FANCL: variants seen among roughly 807,000 people sequenced by gnomAD.
FANCL encodes E3 ubiquitin-protein ligase FANCL.
Under a neutral mutation model 59.4 loss-of-function variants are expected in FANCL, and 69 were observed. The ratio of observed to expected loss-of-function variants is 1.16; its 90% CI spans 0.96 to 1.42. FANCL has a LOEUF of 1.42. FANCL is among the 40% of genes most tolerant of loss of function. FANCL has a pLI of 0.00. For missense variants in FANCL, 519 were observed against 447.2 expected, an observed-to-expected ratio of 1.16 and a Z score of -1.45; for synonymous variants, 180 against 147.1, an observed-to-expected ratio of 1.22 and a Z score of -1.62.
At chr2:58,203,382 G>T (rs973304467) in intron 6 of FANCL, among the ~76,000 whole-genome samples, 3 of 151,684 alleles carry the variant, frequency 2.0e-5, no homozygotes, top group African/African-American at 7.3e-5. Context: ...CTGAAAAAGA[G>T]TTGATTGATT....
At chr2:58,226,361 T>C (rs1482887984) in intron 4 of FANCL, among the ~76,000 whole-genome samples, 1 of 152,208 alleles carries the variant, frequency 6.6e-6, no homozygotes, top group Non-Finnish European at 1.5e-5. Context: ...TTCAGATATC[T>C]GTAGCTATAC....
In FANCL at chr2:58,159,318, A is replaced by T; in HGVS notation, c.*447T>A. 1 of 1,523,462 alleles carries T rather than the reference A, an allele frequency of 6.6e-7. No homozygotes were observed. Among genetic ancestry groups the T allele is most frequent in the Non-Finnish European group, 8.9e-7 (1 of 1,128,512 alleles). The allele number at this position is 1,523,462 out of a possible 1,614,324, so 94.4% of individuals were successfully genotyped here. ...AATACTTGGATAACTCACGTCTAAC[A>T]AACTAAACTATATATGTATTTTTTC... On this transcript the variant is annotated 3_prime_UTR_variant, in exon 14 of 14. Transcript: ENST00000233741.
At chr2:58,176,312 G>A (rs1225572914) in intron 7 of FANCL, among the ~76,000 whole-genome samples, 58 of 152,038 alleles carry the variant, frequency 3.8e-4, no homozygotes, top group Admixed American at 9.8e-4. Flanking sequence ...AAAAGAGCCC[G>A]CATCGCCAAG....
At chr2:58,190,002 A>G (rs1053447765) in intron 7 of FANCL, among the ~76,000 whole-genome samples, 3 of 152,118 alleles carry the variant, frequency 2.0e-5, no homozygotes, top group Non-Finnish European at 1.5e-5. Context: ...AAGCTTTTTA[A>G]GAAATTTAAT....
Position 58,227,851 on chromosome 2 carries a change from A to G in FANCL, c.217-1067T>C, listed in dbSNP as rs886705033. On this transcript the variant is annotated intron_variant, in intron 3 of 13. Coordinates refer to ENST00000233741, the MANE Select transcript of FANCL (RefSeq NM_018062.4). Reference sequence around the variant, plus strand: ...TTCCCTGCCGCCCTTCTGTATCACTACTATGTCTAGCAAATCTAACAACCT... The same window carrying G: ...TTCCCTGCCGCCCTTCTGTATCACTGCTATGTCTAGCAAATCTAACAACCT... 1.2e-4 allele frequency among the ~76,000 whole-genome samples: 18 copies of G among 152,032 alleles called. 1 individual carries two copies. The highest frequency in any genetic ancestry group is 4.1e-4 in the African/African-American group (17 of 41,376).
At chr2:58,210,391 A>G (rs1691016081) in intron 5 of FANCL, among the ~76,000 whole-genome samples, 1 of 152,174 alleles carries the variant, frequency 6.6e-6, no homozygotes, top group African/African-American at 2.4e-5. Flanking sequence ...CTTATTCATT[A>G]CCATGAGAAC....
rs372101290 is a variant in FANCL, at chr2:58,226,708, G to GAA, written c.273+18_273+19dup. The GAA allele has an allele frequency of 7.2e-3, 9,761 of 1,349,112 alleles. No homozygotes were observed. The highest frequency in any genetic ancestry group is 9.5e-3 in the South Asian group (737 of 77,612). The allele number at this position is 1,349,112 out of a possible 1,614,324, so 83.6% of individuals were successfully genotyped here. On this transcript the variant is annotated intron_variant, in intron 4 of 13. Transcript: ENST00000233741. ...GACTTGCAGTATGGTAACAGTGTCA[G>GAA]AAAAAAAAAAAATTCTTACCAAAAG...
intron 7 of FANCL, among the ~76,000 whole-genome samples, chr2:58,192,292 C>A (rs1385582242): frequency 6.6e-6 from 1 of 151,782 alleles, no homozygotes; most frequent in Non-Finnish European, 1.5e-5. Flanking sequence ...GAAACTATAG[C>A]GATATAATAT....
chr2:58,232,755 G>C (rs1157209023), intron 1 of FANCL, among the ~76,000 whole-genome samples: 1 of 151,920 alleles, frequency 6.6e-6, no homozygotes, highest in Non-Finnish European at 1.5e-5. Flanking sequence ...AGACCTCTGA[G>C]ACATTTATTC....
intron 5 of FANCL, chr2:58,213,357 A>T (rs1181709126): frequency 6.6e-6 from 1 of 152,208 alleles, no homozygotes; most frequent in East Asian, 1.9e-4. Flanking sequence ...ACCCAATTTT[A>T]TCAGTGTATG....
At position 58,165,828 on chromosome 2, in the gene FANCL, G is replaced by A. The variant is rs201410058; in HGVS notation, c.587C>T (p.Ser196Leu). 3 of 1,613,962 alleles carry A rather than the reference G, an allele frequency of 1.9e-6. No homozygotes were observed. The stretch of plus-strand genomic sequence containing the variant: ...CATAACATCCCAGAATGCCTTTAGT[G>A]ATTCTATTGCTGCCAAAAACTGACT... Reference protein sequence around the residue: ...IYSQFLAAIESLKAFWDVMDE... With the variant: ...IYSQFLAAIELLKAFWDVMDE... Residue 196 changes from serine (S) to leucine (L), a missense_variant, in exon 8 of 14, where the codon TCA becomes TTA. Transcript: ENST00000233741.
chr2:58,220,295 A>G (rs1193767196), intron 5 of FANCL, among the ~76,000 whole-genome samples: 1 of 152,254 alleles, frequency 6.6e-6, no homozygotes, highest in African/African-American at 2.4e-5. Context: ...TTAAGTCTAC[A>G]TAAAGTCATG....
At chr2:58,240,749 G>A (rs938290139) in intron 1 of FANCL, among the ~76,000 whole-genome samples, 6 of 152,162 alleles carry the variant, frequency 3.9e-5, no homozygotes, top group Non-Finnish European at 8.8e-5. Flanking sequence ...AGGTACATAC[G>A]ACTTGGCAAA....
At chr2:58,161,434 C>G (rs1163779449) in intron 12 of FANCL, 88 bp downstream of exon 12, 6 of 883,736 alleles carry the variant, frequency 6.8e-6, no homozygotes, top group Non-Finnish European at 9.6e-6. Context: ...ATTGACTCAA[C>G]AGATTTTAGA....
At chr2:58,210,733 T>C in intron 5 of FANCL, among the ~76,000 whole-genome samples, 1 of 152,058 alleles carries the variant, frequency 6.6e-6, no homozygotes, top group East Asian at 1.9e-4. Flanking sequence ...CCATTCCAAA[T>C]GGGAGGAATT....
chr2:58,162,791 A>T, intron 11 of FANCL, 75 bp downstream of exon 11: 1 of 1,311,024 alleles, frequency 7.6e-7, no homozygotes, highest in Admixed American at 1.7e-5. Context: ...TTTCAGCCTC[A>T]TTTTTCACTG....
At chr2:58,229,761 T>G in intron 3 of FANCL, 53 bp downstream of exon 3, 1 of 1,316,298 alleles carries the variant, frequency 7.6e-7, no homozygotes, top group Non-Finnish European at 1.1e-6. Flanking sequence ...GAACAATAAA[T>G]TTAGTAATTT....
chr2:58,241,195 G>C, intron 1 of FANCL, 23 bp downstream of exon 1: 6 of 1,613,118 alleles, frequency 3.7e-6, no homozygotes, highest in African/African-American at 1.3e-5. Flanking sequence ...CTCTTAGCTA[G>C]AAAGCAACCA....
At chr2:58,237,395 AG>A (rs1694117770) in intron 1 of FANCL, among the ~76,000 whole-genome samples, 1 of 152,178 alleles carries the variant, frequency 6.6e-6, no homozygotes, top group South Asian at 2.1e-4. Context: ...AGAAATTAAA[AG>A]GCATTTGGAA....
Sources: allele counts gnomAD v4.1 joint callset (sites outside exome capture counted in the v4.1 genomes callset), GRCh38; gene constraint gnomAD v4.1.1; transcripts MANE v1.5; gene names NCBI Gene and HGNC (gene_info 2026-07-23, HGNC 2026-07-21).